Variants in NCOA7 observed in about 807,000 individuals in gnomAD.
NCOA7 encodes 140 kDa estrogen receptor-associated protein.
In NCOA7, 45 loss-of-function variants were observed where a neutral mutation model predicts 104.3. The ratio of observed to expected loss-of-function variants is 0.43; its 90% CI spans 0.34 to 0.55. The LOEUF (loss-of-function observed/expected upper bound fraction) is 0.55. Among genes scored for constraint, NCOA7 ranks in the 20% least tolerant of loss-of-function variants. The pLI, the probability that NCOA7 is intolerant of heterozygous loss-of-function variation, is 0.02. For synonymous variants in NCOA7, 398 were observed against 402.3 expected (o/e 0.99, Z 0.13); for missense variants, 1,041 against 1,119.7 (o/e 0.93, Z 1.00).
At chr6:125,883,345 T>A (rs1261210140) in intron 7 of NCOA7, among the ~76,000 whole-genome samples, 1 of 152,196 alleles carries the variant, frequency 6.6e-6, no homozygotes, top group Non-Finnish European at 1.5e-5. Flanking sequence ...AGAAATTTTT[T>A]AAAAGACAGC....
At chr6:125,808,812 G>T (rs566682039) in intron 1 of NCOA7, among the ~76,000 whole-genome samples, 2 of 152,308 alleles carry the variant, frequency 1.3e-5, no homozygotes, top group South Asian at 4.1e-4. Context: ...CTTATAAAAT[G>T]ATCTGTCTAG....
At chr6:125,861,593 A>G (rs1409692780) in intron 3 of NCOA7, among the ~76,000 whole-genome samples, 2 of 152,204 alleles carry the variant, frequency 1.3e-5, no homozygotes, top group African/African-American at 2.4e-5. Flanking sequence ...TATAAAATAA[A>G]TGGAAATTAT....
chr6:125,795,501 T>G (rs1775235931), intron 1 of NCOA7, among the ~76,000 whole-genome samples: 2 of 152,180 alleles, frequency 1.3e-5, no homozygotes, highest in Non-Finnish European at 2.9e-5. Context: ...TTTATGCATA[T>G]GCAAGCAAAT....
At chr6:125,885,705 G>T (rs1031663628) in intron 8 of NCOA7, among the ~76,000 whole-genome samples, 11 of 152,124 alleles carry the variant, frequency 7.2e-5, no homozygotes, top group Middle Eastern at 3.2e-3. Context: ...GTTTTCTTCT[G>T]GGTTTAATTA....
At chr6:125,784,072 T>G (rs534915547) in intron 1 of NCOA7, among the ~76,000 whole-genome samples, 18 of 152,256 alleles carry the variant, frequency 1.2e-4, no homozygotes, top group African/African-American at 4.1e-4. Flanking sequence ...GTGATTCATC[T>G]TATAGAGTGC....
chr6:125,863,581 A>C lies in NCOA7; in HGVS notation c.271+8341A>C, dbSNP rs910844242. On this transcript the variant is annotated intron_variant, in intron 3 of 15. Coordinates refer to ENST00000392477, the MANE Select transcript of NCOA7 (RefSeq NM_181782.5). The stretch of plus-strand genomic sequence containing the variant: ...GGGGTTTTAAGCTTTGAAAAATTAA[A>C]TTAGAAGTAAACTAGGAAGGATAAA... 1.4e-5 allele frequency among the ~76,000 whole-genome samples: 2 copies of C among 138,540 alleles called. 1 individual carries two copies. Among genetic ancestry groups the C allele is most frequent in the African/African-American group, 6.0e-5 (2 of 33,350 alleles). 90.9% of individuals were successfully genotyped at this position (138,540 alleles called of 152,430 possible). A position where few individuals can be genotyped will look rare whatever the true frequency, so the allele number is the denominator to read the frequency against.
At chr6:125,809,572 C>A (rs1776780104) in intron 1 of NCOA7, among the ~76,000 whole-genome samples, 1 of 152,142 alleles carries the variant, frequency 6.6e-6, no homozygotes, top group East Asian at 1.9e-4. Context: ...AAATTTCTGA[C>A]CTTGTGTAAC....
At chr6:125,862,945 A>C (rs1782173383) in intron 3 of NCOA7, among the ~76,000 whole-genome samples, 1 of 139,364 alleles carries the variant, frequency 7.2e-6, no homozygotes, top group East Asian at 2.1e-4. Context: ...CAGTGAGTCA[A>C]GATTGTGCCA....
At chr6:125,812,146 A>G (rs990084022) in intron 1 of NCOA7, among the ~76,000 whole-genome samples, 1 of 152,326 alleles carries the variant, frequency 6.6e-6, no homozygotes, top group Middle Eastern at 3.4e-3. Flanking sequence ...GTAGGCAGGC[A>G]TCAAGATTAG....
At chr6:125,814,299 C>T (rs968435549) in intron 1 of NCOA7, among the ~76,000 whole-genome samples, 2 of 152,042 alleles carry the variant, frequency 1.3e-5, no homozygotes, top group Admixed American at 6.6e-5. Flanking sequence ...GGACTGCAGG[C>T]GTGCACCACC....
chr6:125,787,779 TA>T (rs1487912450), upstream of NCOA7, among the ~76,000 whole-genome samples: 1 of 152,236 alleles, frequency 6.6e-6, no homozygotes, highest in Non-Finnish European at 1.5e-5. Flanking sequence ...GTGTTAGGGA[TA>T]CCATTTTTAA....
intron 3 of NCOA7, among the ~76,000 whole-genome samples, chr6:125,866,253 C>T (rs575908125): frequency 1.8e-4 from 27 of 151,798 alleles, no homozygotes; most frequent in African/African-American, 2.7e-4. Context: ...CGCTTGAACC[C>T]GTGAGGTGGA....
chr6:125,887,213 G>A (rs1261519126), intron 8 of NCOA7, among the ~76,000 whole-genome samples: 1 of 152,218 alleles, frequency 6.6e-6, no homozygotes, highest in Non-Finnish European at 1.5e-5. Context: ...GCTAGGTAGA[G>A]AAGGTGAAGA....
chr6:125,921,477 G>A (rs1487752986), intron 12 of NCOA7, among the ~76,000 whole-genome samples: 1 of 152,016 alleles, frequency 6.6e-6, no homozygotes, highest in South Asian at 2.1e-4. Flanking sequence ...GATGAGGCTT[G>A]TGAGGAAGGA....
intron 2 of NCOA7, among the ~76,000 whole-genome samples, chr6:125,832,354 C>T (rs943174279): frequency 2.6e-5 from 4 of 152,284 alleles, no homozygotes; most frequent in Middle Eastern, 3.4e-3. Context: ...CCTAACCCTA[C>T]CCAGGTCAAA....
At chr6:125,907,389 C>CT (rs36096309) in intron 10 of NCOA7, among the ~76,000 whole-genome samples, 73,250 of 151,962 alleles carry the variant, frequency 0.48, 17,772 homozygotes, top group Admixed American at 0.59. Context: ...TTCAGGGCGG[C>CT]TTCCCCTTCA....
chr6:125,809,197 G>GT (rs1554261492), intron 1 of NCOA7, among the ~76,000 whole-genome samples: 146 of 150,234 alleles, frequency 9.7e-4, no homozygotes, highest in African/African-American at 2.6e-3. Context: ...GTTGTTTTTT[G>GT]TTTTTTTTTG....
chr6:125,835,948 A>T (rs994587328), intron 2 of NCOA7, among the ~76,000 whole-genome samples: 1 of 152,228 alleles, frequency 6.6e-6, no homozygotes, highest in African/African-American at 2.4e-5. Context: ...GTCACTGTAA[A>T]TATCATAGTT....
chr6:125,782,089 AT>A, intron 1 of NCOA7, among the ~76,000 whole-genome samples: 1 of 152,358 alleles, frequency 6.6e-6, no homozygotes, highest in Non-Finnish European at 1.5e-5. Context: ...AATGTAAAAT[AT>A]CGTGTTAATA....
Sources: allele counts gnomAD v4.1 joint callset (sites outside exome capture counted in the v4.1 genomes callset), GRCh38; gene constraint gnomAD v4.1.1; transcripts MANE v1.5; gene names NCBI Gene and HGNC (gene_info 2026-07-23, HGNC 2026-07-21).